The following PLD5 variants were observed in gnomAD, a reference collection of about 807,000 sequenced individuals.
The protein encoded by PLD5 is inactive phospholipase D5.
Under a neutral mutation model 61.1 loss-of-function variants are expected in PLD5, and 36 were observed. The observed-to-expected ratio is 0.59, with a 90% CI of 0.45 to 0.78. The LOEUF (loss-of-function observed/expected upper bound fraction) is 0.78, where lower values mean the gene tolerates loss of function less well. Among genes scored for constraint, PLD5 ranks in the 30% least tolerant of loss-of-function variants. The probability of loss-of-function intolerance (pLI) is 0.00; values close to 1 mark genes in which losing one functional copy is unlikely to be tolerated. For missense variants in PLD5, 515 were observed against 644.4 expected (o/e 0.80, Z 2.17); for synonymous variants, 243 against 242.8 (o/e 1.00, Z -0.01).
At chr1:242,489,757 G>A (rs1439543538) in intron 1 of PLD5, among the ~76,000 whole-genome samples, 7 of 152,212 alleles carry the variant, frequency 4.6e-5, no homozygotes, top group Non-Finnish European at 1.0e-4. Flanking sequence ...ATTCAGGGCA[G>A]TTGGTATTTG....
chr1:242,222,636 G>A (rs1016225453), intron 4 of PLD5, among the ~76,000 whole-genome samples: 1 of 152,170 alleles, frequency 6.6e-6, no homozygotes, highest in Non-Finnish European at 1.5e-5. Context: ...TTGTCACACA[G>A]GTCCCCTGCA....
At chr1:242,423,681 GA>G (rs1665266600) in intron 1 of PLD5, among the ~76,000 whole-genome samples, 1 of 152,130 alleles carries the variant, frequency 6.6e-6, no homozygotes. Context: ...CATCTCACCA[GA>G]AGATGCTATC....
intron 2 of PLD5, among the ~76,000 whole-genome samples, chr1:242,331,062 C>A (rs12072902): frequency 1.3e-5 from 2 of 152,116 alleles, no homozygotes; most frequent in Admixed American, 6.6e-5. Flanking sequence ...TGGGGTACTA[C>A]TGGGTCAGAT....
chr1:242,253,095 G>A (rs1226992964), intron 4 of PLD5, among the ~76,000 whole-genome samples: 25 of 147,976 alleles, frequency 1.7e-4, no homozygotes, highest in African/African-American at 4.2e-4. Flanking sequence ...GATTACAGGC[G>A]TGAGCCACCG....
chr1:242,094,952 T>C (rs576680436), intron 9 of PLD5, among the ~76,000 whole-genome samples: 49 of 152,022 alleles, frequency 3.2e-4, no homozygotes, highest in African/African-American at 1.2e-3. Flanking sequence ...TATTTTATTT[T>C]ATCAAGAACA....
At chr1:242,158,431 C>T (rs1665562436) in intron 5 of PLD5, among the ~76,000 whole-genome samples, 1 of 152,084 alleles carries the variant, frequency 6.6e-6, no homozygotes, top group Admixed American at 6.6e-5. Flanking sequence ...AAACCCAGGG[C>T]CCTGGTGGGG....
At chr1:242,353,555 T>C (rs1001690542) in intron 1 of PLD5, among the ~76,000 whole-genome samples, 10 of 152,074 alleles carry the variant, frequency 6.6e-5, no homozygotes, top group African/African-American at 2.2e-4. Flanking sequence ...TCTATATCTT[T>C]GAAAAATGAC....
chr1:242,464,175 C>T (rs1667206322), intron 1 of PLD5, among the ~76,000 whole-genome samples: 1 of 152,212 alleles, frequency 6.6e-6, no homozygotes, highest in Non-Finnish European at 1.5e-5. Flanking sequence ...GTCCACTTCA[C>T]ATGTCCCTTC....
intron 1 of PLD5, among the ~76,000 whole-genome samples, chr1:242,393,225 AGTATATATATGT>A (rs1163329957): frequency 1.1e-5 from 1 of 92,638 alleles, no homozygotes; most frequent in East Asian, 2.5e-4. Context: ...TATATATATG[AGTATATATATGT>A]GTATATATAT....
intron 1 of PLD5, among the ~76,000 whole-genome samples, chr1:242,498,373 C>T (rs1423043094): frequency 6.6e-6 from 1 of 152,170 alleles, no homozygotes; most frequent in East Asian, 1.9e-4. Flanking sequence ...TACTCAGCAC[C>T]AACCAGTATT....
At chr1:242,509,239 C>T (rs564258863) in intron 1 of PLD5, among the ~76,000 whole-genome samples, 2 of 151,540 alleles carry the variant, frequency 1.3e-5, no homozygotes, top group East Asian at 1.9e-4. Flanking sequence ...ATTAGCCGGG[C>T]GTGATGGCAT....
At chr1:242,363,052 G>A (rs2149238542) in intron 1 of PLD5, among the ~76,000 whole-genome samples, 1 of 152,240 alleles carries the variant, frequency 6.6e-6, no homozygotes, top group African/African-American at 2.4e-5. Flanking sequence ...ACCAGAGAGA[G>A]AAAAATCCTC....
chr1:242,407,726 G>T (rs781684865), intron 1 of PLD5, among the ~76,000 whole-genome samples: 1 of 151,778 alleles, frequency 6.6e-6, no homozygotes, highest in African/African-American at 2.4e-5. Flanking sequence ...TTATAGGTGC[G>T]TGCCACCACA....
At chr1:242,101,307 C>CT (rs1313397525) in intron 8 of PLD5, among the ~76,000 whole-genome samples, 9 of 114,112 alleles carry the variant, frequency 7.9e-5, no homozygotes, top group African/African-American at 3.7e-4. Flanking sequence ...TGATAGACAA[C>CT]TCAAAAAAAA....
In PLD5 at chr1:242,276,544, G is replaced by C. The variant is rs535923218; in HGVS notation, c.496-11096C>G. Among the ~76,000 whole-genome samples, 3 of 150,804 alleles carry C rather than the reference G, an allele frequency of 2.0e-5. No homozygotes were observed. In the East Asian group the frequency reaches 5.8e-4, roughly 29 times the overall value. On this transcript the variant is annotated intron_variant, in intron 3 of 9. Coordinates refer to ENST00000536534, the MANE Select transcript of PLD5 (RefSeq NM_001372062.1). ...CTGATTAGGCTTGGAGCTTAAGAGA[G>C]AGAGGGGAATTGGAGTGGTGGCCAG...
intron 1 of PLD5, among the ~76,000 whole-genome samples, chr1:242,405,498 G>C (rs1664185384): frequency 6.6e-6 from 1 of 152,050 alleles, no homozygotes; most frequent in Non-Finnish European, 1.5e-5. Context: ...ATCTGGTCCT[G>C]CCCATCACTT....
intron 2 of PLD5, among the ~76,000 whole-genome samples, chr1:242,316,661 A>T (rs533029639): frequency 6.6e-6 from 1 of 152,316 alleles, no homozygotes; most frequent in South Asian, 2.1e-4. Context: ...GGTTTGCTAC[A>T]TAGGTAAACT....
intron 1 of PLD5, among the ~76,000 whole-genome samples, chr1:242,493,623 A>G (rs550875042): frequency 1.3e-5 from 2 of 152,218 alleles, no homozygotes; most frequent in Admixed American, 6.5e-5. Context: ...AGCTGGAGAG[A>G]GGACGGGCTT....
At chr1:242,193,748 T>C (rs1668429245) in intron 5 of PLD5, among the ~76,000 whole-genome samples, 1 of 152,212 alleles carries the variant, frequency 6.6e-6, no homozygotes, top group Non-Finnish European at 1.5e-5. Flanking sequence ...GGCCATTCAG[T>C]GTTCCTGGAT....
Sources: allele counts gnomAD v4.1 joint callset (sites outside exome capture counted in the v4.1 genomes callset), GRCh38; gene constraint gnomAD v4.1.1; transcripts MANE v1.5; gene names NCBI Gene and HGNC (gene_info 2026-07-23, HGNC 2026-07-21).